The following ANKRD30BL variants were observed in gnomAD, a reference collection of about 807,000 sequenced individuals.
ANKRD30BL encodes ankyrin repeat domain 30B like, also known as putative ankyrin repeat domain-containing protein 30B-like.
In ANKRD30BL, 20 loss-of-function variants were observed where a neutral mutation model predicts 18.4. That is an observed-to-expected ratio of 1.09 (90% CI 0.77 to 1.58). ANKRD30BL has a LOEUF of 1.58. Ranked by LOEUF, ANKRD30BL falls within the 40% of genes most tolerant of loss-of-function variation. The pLI is 0.00. For missense variants in ANKRD30BL, 224 were observed against 268.6 expected, an observed-to-expected ratio of 0.83 and a Z score of 1.16; for synonymous variants, 72 against 100.9, an observed-to-expected ratio of 0.71 and a Z score of 1.72.
intron 1 of ANKRD30BL, among the ~76,000 whole-genome samples, chr2:132,241,025 A>C (rs1241247796): frequency 6.6e-6 from 1 of 152,064 alleles, no homozygotes; most frequent in Non-Finnish European, 1.5e-5. Flanking sequence ...ACTAGACAGA[A>C]GCATTCTCAG....
chr2:132,154,272 C>T (rs1286886316), intron 4 of ANKRD30BL, among the ~76,000 whole-genome samples: 1 of 152,092 alleles, frequency 6.6e-6, no homozygotes, highest in African/African-American at 2.4e-5. Flanking sequence ...GCAAATATTG[C>T]ATTTTTTAAA....
At chr2:132,188,622 A>G (rs1678767391) in intron 1 of ANKRD30BL, among the ~76,000 whole-genome samples, 1 of 152,130 alleles carries the variant, frequency 6.6e-6, no homozygotes. Context: ...AGGCAGGAGA[A>G]TGGCGTGAAC....
At chr2:132,160,401 CT>C (rs33924872) in intron 1 of ANKRD30BL, among the ~76,000 whole-genome samples, 1,157 of 97,558 alleles carry the variant, frequency 0.012, 7 homozygotes, top group East Asian at 0.033. Flanking sequence ...ACGCCTGGCC[CT>C]TTTTTTTTTT....
At chr2:132,256,357 A>G (rs1680836981) in intron 1 of ANKRD30BL, among the ~76,000 whole-genome samples, 1 of 151,706 alleles carries the variant, frequency 6.6e-6, no homozygotes, top group South Asian at 2.1e-4. Flanking sequence ...ATCCACCCAC[A>G]GGACACAAAA....
intron 1 of ANKRD30BL, among the ~76,000 whole-genome samples, chr2:132,220,597 C>T (rs568228764): frequency 1.6e-4 from 25 of 152,096 alleles, no homozygotes; most frequent in African/African-American, 4.6e-4. Flanking sequence ...AGCTCCTAAC[C>T]GCGAGTGATC....
chr2:132,231,449 T>G (rs1455228708), intron 1 of ANKRD30BL, among the ~76,000 whole-genome samples: 1 of 151,614 alleles, frequency 6.6e-6, no homozygotes, highest in African/African-American at 2.4e-5. Flanking sequence ...CACTAGGGAG[T>G]GCTAGACAGT....
chr2:132,194,045 TCTCTCTCTCTCA>T (rs1212639925), intron 1 of ANKRD30BL, among the ~76,000 whole-genome samples: 2 of 129,114 alleles, frequency 1.5e-5, no homozygotes, highest in African/African-American at 3.3e-5. Context: ...TCTCTCTCTC[TCTCTCTCTCTCA>T]CACACACACA....
At chr2:132,218,927 T>C (rs1679589473) in intron 1 of ANKRD30BL, among the ~76,000 whole-genome samples, 1 of 152,076 alleles carries the variant, frequency 6.6e-6, no homozygotes, top group Non-Finnish European at 1.5e-5. Context: ...AATCTGCAAA[T>C]GGACATTTGG....
intron 3 of ANKRD30BL, chr2:132,155,435 C>T (rs1687876121): frequency 6.6e-6 from 1 of 152,156 alleles, no homozygotes; most frequent in African/African-American, 2.4e-5. Flanking sequence ...ATCAATGATT[C>T]CAAGATTCCA....
chr2:132,177,776 C>A (rs990964207), intron 1 of ANKRD30BL, among the ~76,000 whole-genome samples: 4 of 152,086 alleles, frequency 2.6e-5, no homozygotes, highest in African/African-American at 4.8e-5. Flanking sequence ...ACAAAAAGAA[C>A]AAGTTTATAA....
rs1680111532 is a variant in ANKRD30BL, at chr2:132,234,824, T to TA, written n.441+22704dup. Reference sequence around the variant, plus strand: ...CAATTGAAAAAGAGGGAATCCTCCCTAACTCATTTTATGAGGCCAGCATCA... The same window carrying TA: ...CAATTGAAAAAGAGGGAATCCTCCCTAAACTCATTTTATGAGGCCAGCATCA... On this transcript the variant is annotated intron_variant and non_coding_transcript_variant, in intron 1 of 4. Coordinates refer to the ANKRD30BL transcript ENST00000470729. Among the ~76,000 whole-genome samples, 17 of 152,322 alleles carry TA rather than the reference T, an allele frequency of 1.1e-4. 1 individual carries two copies. In the South Asian group the frequency reaches 3.5e-3, roughly 32 times the overall value.
intron 1 of ANKRD30BL, among the ~76,000 whole-genome samples, chr2:132,191,210 C>A (rs1407899692): frequency 2.0e-5 from 3 of 151,426 alleles, no homozygotes; most frequent in Non-Finnish European, 2.9e-5. Flanking sequence ...TTGTTTCATT[C>A]TCTCAATATA....
chr2:132,235,573 G>A (rs987094448), intron 1 of ANKRD30BL, among the ~76,000 whole-genome samples: 2 of 152,080 alleles, frequency 1.3e-5, no homozygotes, highest in African/African-American at 4.8e-5. Context: ...AATCATGAGT[G>A]AATTCCCATT....
chr2:132,197,510 T>C (rs1372046318), intron 1 of ANKRD30BL, among the ~76,000 whole-genome samples: 1 of 152,046 alleles, frequency 6.6e-6, no homozygotes, highest in Non-Finnish European at 1.5e-5. Context: ...TAGGTATGTT[T>C]TTTGATCCTG....
chr2:132,249,601 A>C (rs866854388), intron 1 of ANKRD30BL, among the ~76,000 whole-genome samples: 2 of 151,998 alleles, frequency 1.3e-5, no homozygotes, highest in African/African-American at 4.8e-5. Context: ...ACATCAAAAA[A>C]AAAGTTTCTC....
chr2:132,202,927 T>C (rs1040282853), intron 1 of ANKRD30BL, among the ~76,000 whole-genome samples: 1 of 152,212 alleles, frequency 6.6e-6, no homozygotes, highest in African/African-American at 2.4e-5. Flanking sequence ...AAAATCTTGT[T>C]TGATTATGGT....
At chr2:132,237,595 C>T (rs551862990) in intron 1 of ANKRD30BL, among the ~76,000 whole-genome samples, 227 of 151,890 alleles carry the variant, frequency 1.5e-3, no homozygotes, top group African/African-American at 4.9e-3. Flanking sequence ...GCTTTGAGGC[C>T]TTCGCTGGAA....
At chr2:132,152,725 C>G (rs1401951156) in intron 4 of ANKRD30BL, 1 of 152,104 alleles carries the variant, frequency 6.6e-6, no homozygotes, top group Non-Finnish European at 1.5e-5. Flanking sequence ...AACATTATTT[C>G]AACCTGACTT....
At chr2:132,160,731 G>A (rs1426154261) in intron 1 of ANKRD30BL, among the ~76,000 whole-genome samples, 1 of 151,942 alleles carries the variant, frequency 6.6e-6, no homozygotes, top group East Asian at 1.9e-4. Context: ...CCTGGCCATG[G>A]CCCATTTTGT....
Sources: allele counts gnomAD v4.1 joint callset (sites outside exome capture counted in the v4.1 genomes callset), GRCh38; gene constraint gnomAD v4.1.1; transcripts MANE v1.5; gene names NCBI Gene and HGNC (gene_info 2026-07-23, HGNC 2026-07-21).